The following VEPH1 variants were observed in gnomAD, a reference collection of about 807,000 sequenced individuals.
VEPH1 encodes the protein ventricular zone-expressed PH domain-containing protein homolog 1.
Under a neutral mutation model 85.2 loss-of-function variants are expected in VEPH1, and 80 were observed. The observed-to-expected ratio is 0.94, with a 90% CI of 0.78 to 1.13. VEPH1 has a LOEUF of 1.13. Ranked by LOEUF, VEPH1 falls within the 50% of genes most tolerant of loss-of-function variation. VEPH1 has a pLI of 0.00. For missense variants in VEPH1, 955 were observed against 980.5 expected (o/e 0.97, Z 0.35); for synonymous variants, 297 against 348.0 (o/e 0.85, Z 1.63).
At chr3:157,488,016 TA>T (rs1738820033) in intron 2 of VEPH1, among the ~76,000 whole-genome samples, 1 of 152,154 alleles carries the variant, frequency 6.6e-6, no homozygotes, top group African/African-American at 2.4e-5. Flanking sequence ...TCTGGAGAGC[TA>T]GTCAGGATAT....
chr3:157,407,603 C>G (rs1336868628), intron 6 of VEPH1, among the ~76,000 whole-genome samples: 1 of 152,082 alleles, frequency 6.6e-6, no homozygotes, highest in Non-Finnish European at 1.5e-5. Context: ...CCAATTCTGT[C>G]TCCTGATTTT....
At chr3:157,433,200 T>C (rs1733298264) in intron 4 of VEPH1, among the ~76,000 whole-genome samples, 1 of 152,186 alleles carries the variant, frequency 6.6e-6, no homozygotes, top group Non-Finnish European at 1.5e-5. Flanking sequence ...CTAATCCTTA[T>C]GTTTCTTCTC....
intron 11 of VEPH1, among the ~76,000 whole-genome samples, chr3:157,312,475 TAAC>T (rs1486177842): frequency 1.3e-5 from 1 of 79,848 alleles, no homozygotes; most frequent in Non-Finnish European, 2.5e-5. Flanking sequence ...CATTGGTATT[TAAC>T]CACCACCACC....
At chr3:157,346,143 G>A (rs1559978619) in intron 9 of VEPH1, among the ~76,000 whole-genome samples, 1 of 152,040 alleles carries the variant, frequency 6.6e-6, no homozygotes, top group South Asian at 2.1e-4. Flanking sequence ...AAACCTGCAC[G>A]TTGTACACAT....
At chr3:157,262,540 T>TAA (rs201258443) in intron 13 of VEPH1, among the ~76,000 whole-genome samples, 7 of 145,236 alleles carry the variant, frequency 4.8e-5, no homozygotes, top group African/African-American at 1.5e-4. Flanking sequence ...AAACATGATT[T>TAA]AAAAAAAAAA....
chr3:157,280,234 A>G (rs1715927646), intron 12 of VEPH1, among the ~76,000 whole-genome samples: 1 of 152,058 alleles, frequency 6.6e-6, no homozygotes, highest in African/African-American at 2.4e-5. Context: ...TTATGCTTGT[A>G]TGATGATGAA....
At chr3:157,356,518 C>T (rs1305762588) in intron 9 of VEPH1, among the ~76,000 whole-genome samples, 3 of 152,140 alleles carry the variant, frequency 2.0e-5, no homozygotes, top group Non-Finnish European at 4.4e-5. Flanking sequence ...TCCTCCGTCA[C>T]CTGAAATTTG....
chr3:157,356,691 G>A (rs1725480285), intron 9 of VEPH1, among the ~76,000 whole-genome samples: 2 of 152,056 alleles, frequency 1.3e-5, no homozygotes, highest in South Asian at 4.1e-4. Context: ...GATTTACTCT[G>A]TTTACTCTGT....
intron 7 of VEPH1, among the ~76,000 whole-genome samples, chr3:157,369,192 A>AAAAAAAAAAAAAAAC (rs1553773117): frequency 7.0e-6 from 1 of 142,700 alleles, no homozygotes; most frequent in East Asian, 2.1e-4. Context: ...AAAAAAAAAA[A>AAAAAAAAAAAAAAAC]AAAAAAAAAA....
intron 7 of VEPH1, among the ~76,000 whole-genome samples, chr3:157,373,632 G>A (rs975791904): frequency 2.6e-5 from 4 of 152,176 alleles, no homozygotes; most frequent in East Asian, 1.9e-4. Context: ...CTCCTCTCAC[G>A]TGGGTTGTAG....
At chr3:157,503,548 T>C (rs1740273053), upstream of VEPH1, 1 of 152,224 alleles carries the variant, frequency 6.6e-6, no homozygotes, top group South Asian at 2.1e-4. Context: ...GACGCAAAGC[T>C]TCACTTATTT....
Position 157,446,304 on chromosome 3 carries a change from C to T in VEPH1, c.529+13877G>A, listed in dbSNP as rs73873692. Among the ~76,000 whole-genome samples the T allele has an allele frequency of 3.6e-3, 547 of 152,182 alleles. 3 individuals are homozygous for T. Among genetic ancestry groups the T allele is most frequent in the African/African-American group, 0.013 (519 of 41,518 alleles). On this transcript the variant is annotated intron_variant, in intron 4 of 13. Transcript: ENST00000362010. ...ATGTCCTGGGAAGCCCTCAGTCCCACGCAAACTGGAACAGTTTTTCACTCT... is the reference window on the plus strand; with the variant it reads ...ATGTCCTGGGAAGCCCTCAGTCCCATGCAAACTGGAACAGTTTTTCACTCT...
chr3:157,346,874 C>T lies in VEPH1; in HGVS notation c.1735+16490G>A, dbSNP rs369372431. On this transcript the variant is annotated intron_variant, in intron 9 of 13. Coordinates refer to ENST00000362010, the MANE Select transcript of VEPH1 (RefSeq NM_001167912.2). ...CAAGCTATCCTATTGCCTCAGCCTC[C>T]CAACATGCTGAGATTACAGGTGTGA... Among the ~76,000 whole-genome samples the T allele has an allele frequency of 1.9e-3, 286 of 152,246 alleles. 1 individual carries two copies. The highest frequency in any genetic ancestry group is 6.5e-3 in the African/African-American group (268 of 41,522).
At chr3:157,442,369 G>C (rs751840671) in intron 4 of VEPH1, 2 of 1,604,106 alleles carry the variant, frequency 1.2e-6, no homozygotes, top group Admixed American at 3.3e-5. Context: ...ACTCTAGGTT[G>C]TGAAACAGCT....
intron 11 of VEPH1, among the ~76,000 whole-genome samples, chr3:157,288,759 T>C (rs925608927): frequency 2.0e-5 from 3 of 152,238 alleles, no homozygotes; most frequent in Non-Finnish European, 4.4e-5. Flanking sequence ...TAAACAAATA[T>C]TTGTGTAATA....
chr3:157,455,880 A>G (rs6804490), intron 4 of VEPH1, among the ~76,000 whole-genome samples: 5,876 of 152,296 alleles, frequency 0.039, 379 homozygotes, highest in African/African-American at 0.13. Flanking sequence ...TAGTGCTGCA[A>G]TGAACATATG....
chr3:157,412,541 C>T (rs1202084998), intron 6 of VEPH1, among the ~76,000 whole-genome samples: 1 of 152,156 alleles, frequency 6.6e-6, no homozygotes, highest in East Asian at 1.9e-4. Context: ...TTCAGTTAAA[C>T]AGCTGTCAGG....
chr3:157,309,325 T>C (rs1213261732), intron 11 of VEPH1, among the ~76,000 whole-genome samples: 3 of 152,210 alleles, frequency 2.0e-5, no homozygotes, highest in Non-Finnish European at 4.4e-5. Flanking sequence ...GTTTTTCTTT[T>C]GTTATCAGAC....
intron 4 of VEPH1, among the ~76,000 whole-genome samples, chr3:157,433,447 C>T (rs1367048291): frequency 6.6e-6 from 1 of 152,154 alleles, no homozygotes; most frequent in Admixed American, 6.5e-5. Context: ...TTTTATCAAA[C>T]ATTCTTCTCA....
Sources: allele counts gnomAD v4.1 joint callset (sites outside exome capture counted in the v4.1 genomes callset), GRCh38; gene constraint gnomAD v4.1.1; transcripts MANE v1.5; gene names NCBI Gene and HGNC (gene_info 2026-07-23, HGNC 2026-07-21).